The following ELF4 variants were observed in gnomAD, a reference collection of about 807,000 sequenced individuals.
The protein encoded by ELF4 is ETS-related transcription factor Elf-4.
In ELF4, 10 loss-of-function variants were observed where a neutral mutation model predicts 31.7. That is an observed-to-expected ratio of 0.32 (90% confidence interval 0.19 to 0.54). ELF4 has a LOEUF of 0.54. Ranked by LOEUF, ELF4 falls within the 20% of genes least tolerant of loss-of-function variation. ELF4 has a pLI of 0.95. For missense variants in ELF4, 418 were observed against 522.0 expected (o/e 0.80, Z 1.94); for synonymous variants, 208 against 226.7 (o/e 0.92, Z 0.74).
intron 1 of ELF4, among the ~76,000 whole-genome samples, chrX:130,088,676 G>A (rs1178020927): frequency 8.9e-6 from 1 of 111,925 alleles, no homozygotes; most frequent in Non-Finnish European, 1.9e-5. Context: ...TCGCGCCACT[G>A]CACTCCAGCC....
In ELF4 at chrX:130,074,090, T is replaced by C. The variant is rs1952223208; in HGVS notation, c.299A>G (p.Asn100Ser). Residue 100 changes from asparagine (N) to serine (S), a missense_variant, in exon 4 of 9, where the codon AAT (asparagine) becomes AGT (serine). Transcript: ENST00000308167. ...CAGGATATCGCTGGGAGACTCCATA[T>C]TGAGTAAGACTTCCGCGGTTGACAT... The part of the protein sequence containing the change: ...HTMSTAEVLL[N>S]MESPSDILDE... 2.5e-6 allele frequency: 3 copies of C among 1,211,755 alleles called. No individual in the cohort carries two copies. Among genetic ancestry groups the C allele is most frequent in the Non-Finnish European group, 3.4e-6 (3 of 895,502 alleles).
chrX:130,091,842 TAGAC>T (rs1278592624), intron 1 of ELF4, among the ~76,000 whole-genome samples: 9 of 111,548 alleles, frequency 8.1e-5, no homozygotes, highest in Non-Finnish European at 1.1e-4. Flanking sequence ...CCCTATGACT[TAGAC>T]AGGCAGTGAT....
At chrX:130,073,059 T>C (rs1340340212) in intron 4 of ELF4, among the ~76,000 whole-genome samples, 1 of 111,895 alleles carries the variant, frequency 8.9e-6, no homozygotes, top group African/African-American at 3.3e-5. Context: ...AGGAGCCTGG[T>C]AGGATGGGCA....
intron 1 of ELF4, among the ~76,000 whole-genome samples, chrX:130,100,410 C>A (rs918797499): frequency 4.5e-5 from 5 of 111,513 alleles, no homozygotes; most frequent in Admixed American, 3.8e-4. Context: ...CACAGTCTGA[C>A]CCCACCCTAC....
At chrX:130,079,184 G>C (rs773526689) in intron 2 of ELF4, among the ~76,000 whole-genome samples, 1 of 110,935 alleles carries the variant, frequency 9.0e-6, no homozygotes, top group Non-Finnish European at 1.9e-5. Context: ...GAGGCCAGGC[G>C]CGGTGGCTCA....
intron 7 of ELF4, among the ~76,000 whole-genome samples, chrX:130,070,818 A>C (rs1188961916): frequency 9.6e-6 from 1 of 104,562 alleles, no homozygotes; most frequent in African/African-American, 3.5e-5. Flanking sequence ...AAAGAAAGAA[A>C]AAGGAAAAGA....
intron 1 of ELF4, among the ~76,000 whole-genome samples, chrX:130,107,226 C>T (rs1490587930): frequency 1.8e-5 from 2 of 111,101 alleles, no homozygotes; most frequent in Non-Finnish European, 1.9e-5. Context: ...TGCAGTGAAC[C>T]GAGATTGGGC....
chrX:130,073,906 A>C (rs765218200), intron 4 of ELF4, 143 bp downstream of exon 4: 14 of 588,397 alleles, frequency 2.4e-5, no homozygotes, highest in Non-Finnish European at 3.9e-5. Flanking sequence ...AAATACAAAA[A>C]GATAAAAGTC....
intron 1 of ELF4, among the ~76,000 whole-genome samples, chrX:130,105,119 A>G (rs1389179170): frequency 1.8e-5 from 2 of 111,039 alleles, no homozygotes; most frequent in Non-Finnish European, 3.8e-5. Context: ...GCAGTGAGCC[A>G]AGATCACACC....
intron 1 of ELF4, among the ~76,000 whole-genome samples, chrX:130,106,537 A>G (rs1043131487): frequency 9.0e-6 from 1 of 111,432 alleles, no homozygotes; most frequent in African/African-American, 3.3e-5. Flanking sequence ...TGTGGCTGCT[A>G]TTACAGGACA....
At chrX:130,092,103 C>CGAGTGGGCTAAA (rs1933068935) in intron 1 of ELF4, among the ~76,000 whole-genome samples, 1 of 112,240 alleles carries the variant, frequency 8.9e-6, no homozygotes, top group Admixed American at 9.4e-5. Flanking sequence ...CCCCTCCCTC[C>CGAGTGGGCTAAA]AGTCCGGTGG....
intron 1 of ELF4, among the ~76,000 whole-genome samples, chrX:130,095,459 C>A (rs1232295641): frequency 8.9e-6 from 1 of 112,085 alleles, no homozygotes; most frequent in Non-Finnish European, 1.9e-5. Flanking sequence ...CTGCTTTTTC[C>A]TCTGTCCATG....
chrX:130,085,257 A>G (rs875079), intron 1 of ELF4, among the ~76,000 whole-genome samples: 26,895 of 110,736 alleles, frequency 0.24, 2,458 homozygotes, highest in Middle Eastern at 0.31. Context: ...CTTTGCGAGA[A>G]AGTATGTGCC....
chrX:130,097,296 G>A (rs1234404459), intron 1 of ELF4, among the ~76,000 whole-genome samples: 1 of 110,254 alleles, frequency 9.1e-6, no homozygotes, highest in Non-Finnish European at 1.9e-5. Context: ...AATTAGCTGG[G>A]CATGGTGGTA....
intron 1 of ELF4, among the ~76,000 whole-genome samples, chrX:130,099,039 G>C (rs963211516): frequency 8.9e-6 from 1 of 112,555 alleles, no homozygotes; most frequent in African/African-American, 3.2e-5. Context: ...AATTTTAACT[G>C]TCCTTCTAGG....
chrX:130,071,266 G>A, intron 6 of ELF4, 34 bp from the exon 7 acceptor site: 1 of 1,210,811 alleles, frequency 8.3e-7, no homozygotes, highest in Non-Finnish European at 1.1e-6. Flanking sequence ...GGCAGCCTGG[G>A]CAGCTGGGGC....
intron 1 of ELF4, among the ~76,000 whole-genome samples, chrX:130,090,099 C>T (rs1569407321): frequency 1.8e-5 from 2 of 110,104 alleles, no homozygotes; most frequent in South Asian, 3.9e-4. Context: ...TAGGGCCAGG[C>T]GTGGTGGCTC....
intron 5 of ELF4, 121 bp downstream of exon 5, chrX:130,072,105 T>G: frequency 1.1e-6 from 1 of 898,552 alleles, no homozygotes; most frequent in Non-Finnish European, 1.6e-6. Context: ...AGGGAGGCCT[T>G]TTGGTCCATC....
intron 1 of ELF4, 108 bp from the exon 2 acceptor site, chrX:130,081,647 C>A: frequency 3.4e-5 from 11 of 325,045 alleles, no homozygotes; most frequent in Admixed American, 9.4e-5. Context: ...GGCAGACTGC[C>A]AATAGAGGAG....
Sources: gnomAD v4.1 joint callset for allele counts (sites outside exome capture counted in the v4.1 genomes callset) on GRCh38, gnomAD v4.1.1 for gene constraint, MANE v1.5 for transcripts, NCBI Gene and HGNC (gene_info 2026-07-23, HGNC 2026-07-21) for gene names.